Variants in DYTN observed in about 807,000 individuals in gnomAD.
DYTN encodes the protein dystrotelin.
A neutral mutation model predicts 69.6 loss-of-function variants in DYTN; 75 were observed. That is an observed-to-expected ratio of 1.08 (90% CI 0.89 to 1.31). The LOEUF (loss-of-function observed/expected upper bound fraction) is 1.31, where lower values mean the gene tolerates loss of function less well. DYTN is among the 50% of genes most tolerant of loss of function. The pLI, the probability that DYTN is intolerant of heterozygous loss-of-function variation, is 0.00. For synonymous variants in DYTN, 252 were observed against 249.1 expected (o/e 1.01, Z -0.11); for missense variants, 726 against 688.4 (o/e 1.05, Z -0.61).
chr2:206,664,784 T>C (rs148925329), intron 10 of DYTN, among the ~76,000 whole-genome samples: 204 of 152,332 alleles, frequency 1.3e-3, no homozygotes, highest in African/African-American at 4.8e-3. Context: ...GTAATTACAT[T>C]GGCAGTGACA....
chr2:206,683,764 A>T (rs1355684043), intron 9 of DYTN, among the ~76,000 whole-genome samples: 1 of 151,932 alleles, frequency 6.6e-6, no homozygotes, highest in Non-Finnish European at 1.5e-5. Context: ...CCAACCTAAT[A>T]CCAAGCATGC....
chr2:206,669,324 T>C (rs1018777173), intron 9 of DYTN, among the ~76,000 whole-genome samples: 1 of 152,216 alleles, frequency 6.6e-6, no homozygotes, highest in South Asian at 2.1e-4. Flanking sequence ...TTCCAGTCTA[T>C]TACATCTCAG....
chr2:206,712,301 A>G (rs995979310), intron 1 of DYTN, among the ~76,000 whole-genome samples: 4 of 152,214 alleles, frequency 2.6e-5, no homozygotes, highest in Admixed American at 6.5e-5. Context: ...AACTACTGGT[A>G]TAAAGGGAAT....
chr2:206,718,363 GCAGAGGAATGAGGA>G lies in DYTN; in HGVS notation c.-98_-85del. ...AGTATTTTAAGCAGAAGGTTTTGCAGCAGAGGAATGAGGACAGGGGAACAAAAAGGCAACTAAAC... is the reference window on the plus strand; with the variant it reads ...AGTATTTTAAGCAGAAGGTTTTGCAGCAGGGGAACAAAAAGGCAACTAAAC... On this transcript the variant is annotated 5_prime_UTR_variant, in exon 1 of 12. Coordinates refer to ENST00000452335, the MANE Select transcript of DYTN (RefSeq NM_001093730.1). 1 of 1,472,094 alleles carries G rather than the reference GCAGAGGAATGAGGA, an allele frequency of 6.8e-7. No homozygotes were observed. Among genetic ancestry groups the G allele is most frequent in the South Asian group, 1.3e-5 (1 of 79,104 alleles). 91.2% of individuals were successfully genotyped at this position (1,472,094 alleles called of 1,614,324 possible). A position where few individuals can be genotyped will look rare whatever the true frequency, so the allele number is the denominator to read the frequency against.
chr2:206,660,763 T>A (rs1699503303), intron 11 of DYTN, among the ~76,000 whole-genome samples: 1 of 152,214 alleles, frequency 6.6e-6, no homozygotes, highest in African/African-American at 2.4e-5. Context: ...ACAAAGATTA[T>A]AACTCCAACT....
chr2:206,714,421 C>T (rs1333307100), intron 1 of DYTN, among the ~76,000 whole-genome samples: 1 of 152,202 alleles, frequency 6.6e-6, no homozygotes, highest in South Asian at 2.1e-4. Flanking sequence ...CCAGGATGGT[C>T]TCGATCTCCT....
intron 9 of DYTN, among the ~76,000 whole-genome samples, chr2:206,674,743 A>C (rs899464660): frequency 9.9e-6 from 1 of 100,574 alleles, no homozygotes; most frequent in Non-Finnish European, 2.0e-5. Flanking sequence ...CAATGCCAGA[A>C]ATGTTTACTA....
intron 1 of DYTN, among the ~76,000 whole-genome samples, chr2:206,713,795 A>G (rs1305226126): frequency 1.3e-5 from 2 of 152,228 alleles, no homozygotes; most frequent in African/African-American, 4.8e-5. Flanking sequence ...CACACAAGCA[A>G]GCTCTGAAGC....
intron 9 of DYTN, 115 bp downstream of exon 9, chr2:206,693,057 CCCT>C: frequency 7.3e-7 from 1 of 1,377,890 alleles, no homozygotes; most frequent in East Asian, 2.6e-5. Flanking sequence ...CAACCCTCAC[CCCT>C]CCTCCTGCCT....
At position 206,679,945 on chromosome 2, in the gene DYTN, G is replaced by A. The variant is rs181641305; in HGVS notation, c.980+13230C>T. ...TGCTCTGTCTTCATTTGCTCAGGAT[G>A]CTATAACAAACAGACTGGGTGGTGT... is the stretch of plus-strand genomic sequence containing the variant. On this transcript the variant is annotated intron_variant, in intron 9 of 11. Coordinates refer to ENST00000452335, the MANE Select transcript of DYTN (RefSeq NM_001093730.1). Among the ~76,000 whole-genome samples, 8 of 152,262 alleles carry A rather than the reference G, an allele frequency of 5.3e-5. No individual in the cohort carries two copies. In the East Asian group the frequency reaches 1.5e-3, roughly 29 times the overall value.
chr2:206,679,309 C>A (rs574681140), intron 9 of DYTN: 59 of 152,280 alleles, frequency 3.9e-4, no homozygotes, highest in African/African-American at 1.3e-3. Context: ...AGCAGGCCAA[C>A]TTTTCTCTCT....
chr2:206,710,110 G>T (rs1574604765), intron 2 of DYTN, among the ~76,000 whole-genome samples: 1 of 152,228 alleles, frequency 6.6e-6, no homozygotes, highest in East Asian at 1.9e-4. Context: ...GGTACAACTT[G>T]AAAATGCAAA....
chr2:206,663,441 A>T (rs1699536246), intron 10 of DYTN, 46 bp from the exon 11 acceptor site: 1 of 1,495,582 alleles, frequency 6.7e-7, no homozygotes, highest in African/African-American at 1.5e-5. Flanking sequence ...TGTTTATCTT[A>T]CTTTTTCATA....
chr2:206,700,173 T>C lies in DYTN; in HGVS notation c.527A>G (p.Glu176Gly). 2 of 1,613,898 alleles carry C rather than the reference T, an allele frequency of 1.2e-6. No homozygotes were observed. The highest frequency in any genetic ancestry group is 2.2e-5 in the South Asian group (2 of 91,078). Reference sequence around the variant, plus strand: ...TTGGAAACAGCTGCGGGTGGCACTTTCCACAGGGCACAGAGCACGACTCTC... The same window carrying C: ...TTGGAAACAGCTGCGGGTGGCACTTCCCACAGGGCACAGAGCACGACTCTC... Reference protein sequence around the residue: ...VGESRALCPVESATRSCFQGV... With the variant: ...VGESRALCPVGSATRSCFQGV... The change falls in exon 6 of 12, where the codon GAA becomes GGA. Residue 176 changes from glutamate (E) to glycine (G), a missense_variant. Physicochemically the swap from Glu to Gly is moderately conservative, Grantham distance 98. Transcript: ENST00000452335.
Position 206,700,145 on chromosome 2 carries a change from C to T in DYTN, c.555G>A (p.Gly185=). The T allele has an allele frequency of 6.2e-7, 1 of 1,613,932 alleles. No individual in the cohort carries two copies. Among genetic ancestry groups the T allele is most frequent in the Non-Finnish European group, 8.5e-7 (1 of 1,179,848 alleles). ...VESATRSCFQ[G]VLSPAIKEEK... ...CCAGGGACATTTGCAAGGCACTCAC[C>T]CCTTGGAAACAGCTGCGGGTGGCAC... is the stretch of plus-strand genomic sequence containing the variant. The change falls in exon 6 of 12, where the codon GGG becomes GGA. Residue 185 remains glycine (G), a splice_region_variant and synonymous_variant. Transcript: ENST00000452335.
intron 9 of DYTN, among the ~76,000 whole-genome samples, chr2:206,685,814 G>A (rs1156811560): frequency 1.3e-5 from 2 of 151,782 alleles, no homozygotes; most frequent in African/African-American, 2.4e-5. Flanking sequence ...ATATATTCCC[G>A]GAATATGGCA....
chr2:206,667,732 T>G (rs1002163795), intron 9 of DYTN, among the ~76,000 whole-genome samples: 2 of 133,366 alleles, frequency 1.5e-5, no homozygotes. Context: ...GTGTGTGTGT[T>G]GACATGTCTT....
chr2:206,699,643 C>A, intron 7 of DYTN, 84 bp downstream of exon 7: 2 of 1,463,108 alleles, frequency 1.4e-6, no homozygotes, highest in East Asian at 2.4e-5. Flanking sequence ...AAGGAGGACC[C>A]CAAAAAGAAT....
At chr2:206,666,156 T>C in intron 9 of DYTN, 127 bp from the exon 10 acceptor site, 1 of 1,284,886 alleles carries the variant, frequency 7.8e-7, no homozygotes, top group South Asian at 1.5e-5. Context: ...GTCTCAACTG[T>C]GTTTTTTGTT....
Sources: gnomAD v4.1 joint callset for allele counts (sites outside exome capture counted in the v4.1 genomes callset) on GRCh38, gnomAD v4.1.1 for gene constraint, MANE v1.5 for transcripts, NCBI Gene and HGNC (gene_info 2026-07-23, HGNC 2026-07-21) for gene names.